The following CBL variants were observed in gnomAD, a reference collection of about 807,000 sequenced individuals.
CBL encodes the protein E3 ubiquitin-protein ligase CBL.
A neutral mutation model predicts 96.9 loss-of-function variants in CBL; 45 were observed. The ratio of observed to expected loss-of-function variants is 0.46; its 90% confidence interval spans 0.37 to 0.60. The LOEUF is 0.60. CBL is among the 20% of genes least tolerant of loss of function. CBL has a pLI of 0.00. For synonymous variants in CBL, 420 were observed against 426.8 expected (o/e 0.98, Z 0.20); for missense variants, 1,024 against 1,143.5 (o/e 0.90, Z 1.51).
intron 2 of CBL, among the ~76,000 whole-genome samples, chr11:119,234,422 T>C (rs967485336): frequency 6.6e-6 from 1 of 152,244 alleles, no homozygotes; most frequent in Non-Finnish European, 1.5e-5. Flanking sequence ...TTGTAACTTT[T>C]GTTAAAACCT....
At chr11:119,219,449 A>G (rs1592371018) in intron 1 of CBL, among the ~76,000 whole-genome samples, 1 of 152,064 alleles carries the variant, frequency 6.6e-6, no homozygotes, top group East Asian at 1.9e-4. Flanking sequence ...CTGGTATATG[A>G]TAAGTGCTTC....
Position 119,293,826 on chromosome 11 carries a change from C to G in CBL, c.2037-3092C>G, listed in dbSNP as rs531914235. Among the ~76,000 whole-genome samples, 115 of 152,278 alleles carry G rather than the reference C, an allele frequency of 7.6e-4. No homozygotes were observed. The South Asian group carries it at 0.01, about 14-fold the overall frequency. On this transcript the variant is annotated intron_variant, in intron 12 of 15. Transcript: ENST00000264033. The stretch of plus-strand genomic sequence containing the variant: ...TGGCGCTGGCATGGTGAGGGCCTTC[C>G]TGCTGCCTTGTAACCAGGCATCAGC...
At chr11:119,218,359 C>T (rs986778738) in intron 1 of CBL, among the ~76,000 whole-genome samples, 2 of 152,136 alleles carry the variant, frequency 1.3e-5, no homozygotes. Context: ...TCAGGCTCTT[C>T]TGTAATACCC....
chr11:119,268,991 G>T (rs1165712719), intron 2 of CBL, among the ~76,000 whole-genome samples: 2 of 152,172 alleles, frequency 1.3e-5, no homozygotes. Flanking sequence ...TTATGTAGAT[G>T]TAGATGTCTG....
intron 1 of CBL, among the ~76,000 whole-genome samples, chr11:119,231,504 T>A (rs1286143219): frequency 6.7e-6 from 1 of 149,692 alleles, no homozygotes; most frequent in African/African-American, 2.5e-5. Context: ...AGGTCAGGAG[T>A]TTGAGACCAG....
chr11:119,247,316 C>T (rs1022000484), intron 2 of CBL, among the ~76,000 whole-genome samples: 1 of 152,166 alleles, frequency 6.6e-6, no homozygotes, highest in Non-Finnish European at 1.5e-5. Context: ...TGGTACTAGA[C>T]GTTCCAGCCA....
At position 119,308,060 on chromosome 11, in the gene CBL, C is replaced by T. The variant is rs930105812; in HGVS notation, c.*8279C>T. 1.6e-4 allele frequency: 29 copies of T among 178,722 alleles called. No individual in the cohort carries two copies. The highest frequency in any genetic ancestry group is 6.0e-5 in the Non-Finnish European group (5 of 83,156). The allele number at this position is 178,722 out of a possible 1,614,324, so 11.1% of individuals were successfully genotyped here. ...GTTATTTATTAATTTTTTTTCATTT[C>T]CATACACAGTTAGTTAACTAAAGAG... On this transcript the variant is annotated 3_prime_UTR_variant, in exon 16 of 16. Transcript: ENST00000264033.
chr11:119,207,083 A>ATTC (rs1407003131), intron 1 of CBL, among the ~76,000 whole-genome samples: 1 of 152,092 alleles, frequency 6.6e-6, no homozygotes, highest in Non-Finnish European at 1.5e-5. Context: ...GCTCTGACTG[A>ATTC]GGAACCTGGC....
At chr11:119,288,281 C>T (rs930901268) in intron 12 of CBL, among the ~76,000 whole-genome samples, 13 of 152,266 alleles carry the variant, frequency 8.5e-5, no homozygotes, top group African/African-American at 2.9e-4. Flanking sequence ...ATGAAATGGA[C>T]GCTGTGTTGA....
At chr11:119,248,217 A>G (rs576923269) in intron 2 of CBL, among the ~76,000 whole-genome samples, 1 of 152,240 alleles carries the variant, frequency 6.6e-6, no homozygotes, top group Non-Finnish European at 1.5e-5. Context: ...TCTGATTTCA[A>G]AGCTTTACTG....
chr11:119,289,489 T>C (rs1950008984), intron 12 of CBL: 4 of 152,138 alleles, frequency 2.6e-5, no homozygotes, highest in Admixed American at 2.6e-4. Context: ...TGAAAGTGGC[T>C]ACATCACCTG....
At chr11:119,298,586 C>G in intron 15 of CBL, 46 bp downstream of exon 15, 1 of 1,527,356 alleles carries the variant, frequency 6.5e-7, no homozygotes, top group Non-Finnish European at 9.1e-7. Context: ...GGCAGTGTGG[C>G]CTGTATGTTT....
At chr11:119,241,434 A>G (rs948793659) in intron 2 of CBL, among the ~76,000 whole-genome samples, 2 of 152,194 alleles carry the variant, frequency 1.3e-5, no homozygotes, top group Non-Finnish European at 2.9e-5. Context: ...AGGAAAAAAA[A>G]TTAGTATTGA....
In CBL at chr11:119,295,569, A is replaced by T. The variant is rs71484134; in HGVS notation, c.2037-1349A>T. Among the ~76,000 whole-genome samples the T allele has an allele frequency of 4.1e-3, 626 of 151,638 alleles. 6 individuals are homozygous for T. Among genetic ancestry groups the T allele is most frequent in the South Asian group, 0.013 (61 of 4,786 alleles). The stretch of plus-strand genomic sequence containing the variant: ...AGACTCTGTCTCTACAAAAAAAAAA[A>T]TTTTTTTTAATTAGCCTGGTATTGT... On this transcript the variant is annotated intron_variant, in intron 12 of 15. Transcript: ENST00000264033.
chr11:119,255,919 G>A (rs1468613966), intron 2 of CBL, among the ~76,000 whole-genome samples: 1 of 151,222 alleles, frequency 6.6e-6, no homozygotes, highest in African/African-American at 2.4e-5. Flanking sequence ...AAAAAAAGTA[G>A]AGGCAGGGTT....
chr11:119,294,378 A>G (rs1424681772), intron 12 of CBL, among the ~76,000 whole-genome samples: 2 of 150,204 alleles, frequency 1.3e-5, no homozygotes, highest in Non-Finnish European at 3.0e-5. Context: ...GCAGTGAGCC[A>G]AGATCACGCC....
At chr11:119,264,399 T>TTCTCTTCTCTTCTCTTCTCTTCTCG (rs1949781020) in intron 2 of CBL, among the ~76,000 whole-genome samples, 4 of 69,802 alleles carry the variant, frequency 5.7e-5, no homozygotes, top group African/African-American at 2.1e-4. Flanking sequence ...TTCTCTTCTC[T>TTCTCTTCTCTTCTCTTCTCTTCTCG]TCTCTTCTCT....
chr11:119,241,490 C>T (rs1480409897), intron 2 of CBL, among the ~76,000 whole-genome samples: 1 of 152,164 alleles, frequency 6.6e-6, no homozygotes, highest in Non-Finnish European at 1.5e-5. Context: ...TACATAGTCC[C>T]TTCTTTTCAT....
chr11:119,273,111 C>A (rs1474929658), intron 3 of CBL, among the ~76,000 whole-genome samples: 1 of 151,962 alleles, frequency 6.6e-6, no homozygotes, highest in Non-Finnish European at 1.5e-5. Context: ...TGGGACTACA[C>A]GTGTGTGCTG....
Sources: allele counts gnomAD v4.1 joint callset (sites outside exome capture counted in the v4.1 genomes callset), GRCh38; gene constraint gnomAD v4.1.1; transcripts MANE v1.5; gene names NCBI Gene and HGNC (gene_info 2026-07-23, HGNC 2026-07-21).